The following KCNH1 variants were observed in gnomAD, a reference collection of about 807,000 sequenced individuals.
KCNH1 encodes the protein voltage-gated delayed rectifier potassium channel KCNH1.
A neutral mutation model predicts 69.2 loss-of-function variants in KCNH1; 27 were observed. The observed-to-expected ratio is 0.39, with a 90% CI of 0.29 to 0.54. The LOEUF (loss-of-function observed/expected upper bound fraction) is 0.54, where lower values mean the gene tolerates loss of function less well. KCNH1 is among the 20% of genes least tolerant of loss of function. The pLI is 0.68. For missense variants in KCNH1, 798 were observed against 1,261.6 expected (o/e 0.63, Z 5.57); for synonymous variants, 456 against 487.7 (o/e 0.93, Z 0.86).
rs771777021 is a variant in KCNH1, at chr1:211,082,825, G to A, written c.513C>T (p.Ser171=). The change falls in exon 5 of 11, where the codon AGC becomes AGT. Residue 171 remains serine, a synonymous_variant. Transcript: ENST00000271751. ...SRGVLQQLAP[S]VQKGENVHKH... ...TGTGGACATTCTCGCCTTTTTGCAC[G>A]CTTGGAGCCAGCTGCTGCAGGACAC... 20 of 1,613,922 alleles carry A rather than the reference G, an allele frequency of 1.2e-5. No homozygotes were observed. The highest frequency in any genetic ancestry group is 6.7e-5 in the African/African-American group (5 of 74,906).
chr1:210,732,861 C>A (rs113984340), intron 10 of KCNH1, among the ~76,000 whole-genome samples: 2,157 of 152,284 alleles, frequency 0.014, 24 homozygotes, highest in Non-Finnish European at 0.02. Flanking sequence ...AAGGGCCTAC[C>A]TACTAATACC....
At chr1:211,089,467 G>A (rs1289843922) in intron 4 of KCNH1, among the ~76,000 whole-genome samples, 2 of 152,320 alleles carry the variant, frequency 1.3e-5, no homozygotes, top group Middle Eastern at 6.8e-3. Flanking sequence ...GGATGCGCTG[G>A]TATTAACAGT....
At chr1:210,969,178 G>A (rs1348220339) in intron 6 of KCNH1, among the ~76,000 whole-genome samples, 2 of 151,430 alleles carry the variant, frequency 1.3e-5, no homozygotes, top group Non-Finnish European at 2.9e-5. Context: ...CTCTTTTTTG[G>A]TTATAAATTT....
intron 8 of KCNH1, among the ~76,000 whole-genome samples, chr1:210,802,613 A>G (rs115959299): frequency 0.01 from 1,591 of 152,298 alleles, 31 homozygotes; most frequent in African/African-American, 0.037. Context: ...TGTTTTCTCT[A>G]TTATTTCCAG....
intron 5 of KCNH1, among the ~76,000 whole-genome samples, chr1:211,030,183 A>G (rs969263823): frequency 6.6e-6 from 1 of 152,260 alleles, no homozygotes; most frequent in African/African-American, 2.4e-5. Context: ...AAAGTCAAAG[A>G]AACAAAAATA....
chr1:210,782,445 G>T (rs114576472), intron 9 of KCNH1, among the ~76,000 whole-genome samples: 1,576 of 152,174 alleles, frequency 0.01, 31 homozygotes, highest in African/African-American at 0.036. Context: ...TAGTGCCCTG[G>T]CCGGGCACAG....
intron 5 of KCNH1, among the ~76,000 whole-genome samples, chr1:211,024,839 G>A (rs1364217661): frequency 5.9e-5 from 9 of 151,972 alleles, no homozygotes; most frequent in Non-Finnish European, 1.5e-5. Context: ...GAGTACCAAC[G>A]ACTACATTCC....
Position 210,859,448 on chromosome 1 carries a change from T to C in KCNH1, c.1463-55282A>G, listed in dbSNP as rs912835690. 25 of 1,609,114 alleles carry C rather than the reference T, an allele frequency of 1.6e-5. No homozygotes were observed. In the African/African-American group the frequency reaches 2.1e-4, roughly 14 times the overall value. On this transcript the variant is annotated intron_variant, in intron 7 of 10. Coordinates refer to ENST00000271751, the MANE Select transcript of KCNH1 (RefSeq NM_172362.3). The stretch of plus-strand genomic sequence containing the variant: ...ACAGGGTTATCTTCATCATCAATGA[T>C]TGTGGAATAGCCTTCCAGAGCAGTC...
At chr1:210,789,178 C>G (rs1010707697) in intron 9 of KCNH1, among the ~76,000 whole-genome samples, 1 of 152,166 alleles carries the variant, frequency 6.6e-6, no homozygotes, top group African/African-American at 2.4e-5. Context: ...CTAGCAACTT[C>G]AAGTCCCTGG....
intron 7 of KCNH1, among the ~76,000 whole-genome samples, chr1:210,865,816 A>G (rs1686095267): frequency 6.6e-6 from 1 of 152,186 alleles, no homozygotes; most frequent in Non-Finnish European, 1.5e-5. Context: ...TTTAAGACAG[A>G]CAGTTTTTAT....
intron 10 of KCNH1, among the ~76,000 whole-genome samples, chr1:210,765,875 G>A (rs12142954): frequency 0.2 from 29,669 of 151,242 alleles, 2,975 homozygotes; most frequent in African/African-American, 0.24. Flanking sequence ...CAGCCTGGCC[G>A]AGATGGTGAA....
intron 7 of KCNH1, among the ~76,000 whole-genome samples, chr1:210,842,199 C>T (rs1685427066): frequency 6.6e-6 from 1 of 152,148 alleles, no homozygotes; most frequent in African/African-American, 2.4e-5. Flanking sequence ...CCTCCCCTAC[C>T]ATGGTCATGG....
intron 7 of KCNH1, among the ~76,000 whole-genome samples, chr1:210,887,678 CA>C (rs1318292457): frequency 2.1e-5 from 2 of 94,496 alleles, no homozygotes; most frequent in African/African-American, 8.1e-5. Flanking sequence ...CACATAGGCT[CA>C]AAATAAAGGG....
chr1:210,799,107 A>C (rs1684380885), intron 8 of KCNH1, among the ~76,000 whole-genome samples: 1 of 151,772 alleles, frequency 6.6e-6, no homozygotes, highest in South Asian at 2.1e-4. Flanking sequence ...AAAGAAAACA[A>C]TAAAAAAAAA....
intron 8 of KCNH1, among the ~76,000 whole-genome samples, chr1:210,801,189 A>G (rs1684419219): frequency 6.6e-6 from 1 of 152,238 alleles, no homozygotes; most frequent in African/African-American, 2.4e-5. Flanking sequence ...CATGAGCTAC[A>G]GACATAAAAA....
chr1:210,753,954 G>A (rs991971029), intron 10 of KCNH1, among the ~76,000 whole-genome samples: 3 of 138,796 alleles, frequency 2.2e-5, no homozygotes, highest in African/African-American at 8.0e-5. Context: ...TCGCTCCTTT[G>A]CCCAGGCTGG....
At chr1:210,725,087 C>T (rs1682556022) in intron 10 of KCNH1, among the ~76,000 whole-genome samples, 2 of 152,168 alleles carry the variant, frequency 1.3e-5, no homozygotes, top group South Asian at 4.1e-4. Context: ...TTGTCACTGC[C>T]ATTCAATTAA....
rs554616977 is a variant in KCNH1, at chr1:211,083,273, G to A, written c.440-375C>T. 8.6e-4 allele frequency among the ~76,000 whole-genome samples: 131 copies of A among 152,384 alleles called. 1 individual carries two copies. The highest frequency in any genetic ancestry group is 1.5e-3 in the Non-Finnish European group (100 of 68,044). The stretch of plus-strand genomic sequence containing the variant: ...AATATCGGGTAATTGAGATGTTTCT[G>A]TGACTTGGTAACTTGGCTCAGGCTG... On this transcript the variant is annotated intron_variant, in intron 4 of 10. Transcript: ENST00000271751.
intron 5 of KCNH1, among the ~76,000 whole-genome samples, chr1:211,045,254 G>A (rs908629047): frequency 2.6e-5 from 4 of 151,222 alleles, no homozygotes; most frequent in African/African-American, 4.9e-5. Context: ...AATGAACTTC[G>A]GAGACTCCGG....
Sources: gnomAD v4.1 joint callset for allele counts (sites outside exome capture counted in the v4.1 genomes callset) on GRCh38, gnomAD v4.1.1 for gene constraint, MANE v1.5 for transcripts, NCBI Gene and HGNC (gene_info 2026-07-23, HGNC 2026-07-21) for gene names.